EPB41L4B: variants seen among roughly 807,000 people sequenced by gnomAD.
The protein encoded by EPB41L4B is erythrocyte membrane protein band 4.1 like 4B.
EPB41L4B carries 30 observed loss-of-function variants against 112.5 expected under a neutral mutation model. The ratio of observed to expected loss-of-function variants is 0.27; its 90% CI spans 0.20 to 0.36. The LOEUF is 0.36. EPB41L4B is among the 10% of genes least tolerant of loss of function. EPB41L4B has a pLI of 1.00. For missense variants in EPB41L4B, 1,024 were observed against 1,133.3 expected, an observed-to-expected ratio of 0.90 and a Z score of 1.38; for synonymous variants, 408 against 439.7, an observed-to-expected ratio of 0.93 and a Z score of 0.90.
At chr9:109,315,591 C>G (rs1267291464) in intron 1 of EPB41L4B, among the ~76,000 whole-genome samples, 2 of 152,192 alleles carry the variant, frequency 1.3e-5, no homozygotes, top group African/African-American at 4.8e-5. Flanking sequence ...GTTCCCAAAG[C>G]AGCCGGTTCC....
chr9:109,180,729 C>T (rs10816778), intron 24 of EPB41L4B, among the ~76,000 whole-genome samples: 65,994 of 151,868 alleles, frequency 0.43, 15,062 homozygotes, highest in African/African-American at 0.54. Flanking sequence ...CTTTAGCCAC[C>T]CACAGCCCAC....
intron 18 of EPB41L4B, among the ~76,000 whole-genome samples, chr9:109,204,752 C>T (rs908093098): frequency 3.3e-5 from 5 of 152,176 alleles, no homozygotes; most frequent in African/African-American, 1.2e-4. Context: ...CCACCTTGGC[C>T]TCCCAAAATT....
rs572687610 is a variant in EPB41L4B, at chr9:109,246,962, G to A, written c.1344+794C>T. Among the ~76,000 whole-genome samples the A allele has an allele frequency of 3.0e-4, 45 of 152,170 alleles. No homozygotes were observed. In the South Asian group the frequency reaches 6.6e-3, roughly 22 times the overall value. On this transcript the variant is annotated intron_variant, in intron 14 of 25. Coordinates refer to ENST00000374566, the MANE Select transcript of EPB41L4B (RefSeq NM_019114.5). ...AAAAATGGTAGGGGTTGAGGCTAGC[G>A]TTTTTTTAAAAAAGATATGAAGGGG...
intron 14 of EPB41L4B, among the ~76,000 whole-genome samples, chr9:109,246,300 G>A (rs1834556624): frequency 6.6e-6 from 1 of 152,132 alleles, no homozygotes. Flanking sequence ...TACTTGGGAG[G>A]CTGAGGCAAG....
At chr9:109,278,978 T>C (rs549296946) in intron 2 of EPB41L4B, among the ~76,000 whole-genome samples, 3 of 152,268 alleles carry the variant, frequency 2.0e-5, no homozygotes, top group South Asian at 2.1e-4. Flanking sequence ...AGTAAAGTGC[T>C]GACCTAACAC....
rs760790233 is a variant in EPB41L4B at position 109,208,003 on chromosome 9, A to G, written c.1799T>C (p.Leu600Ser). The change falls in exon 18 of 26, where the codon TTG becomes TCG. Residue 600 changes from leucine to serine, a missense_variant. Leu to Ser is a moderately radical substitution (Grantham distance 145, BLOSUM62 -2). Coordinates refer to ENST00000374566, the MANE Select transcript of EPB41L4B (RefSeq NM_019114.5). ...CACATGATCCGCAACAGGGGAAGGC[A>G]AAAGTGGAGTCTGAAGAGTTTTCTC... ...VSEKTLQTPLLPSPVADHVKC... is the reference protein window; with the variant it reads ...VSEKTLQTPLSPSPVADHVKC... The G allele has an allele frequency of 3.3e-5, 53 of 1,614,056 alleles. No homozygotes were observed. Among genetic ancestry groups the G allele is most frequent in the Non-Finnish European group, 5.1e-6 (6 of 1,180,032 alleles).
At chr9:109,298,106 C>T (rs1325836496) in intron 1 of EPB41L4B, among the ~76,000 whole-genome samples, 1 of 151,818 alleles carries the variant, frequency 6.6e-6, no homozygotes, top group Non-Finnish European at 1.5e-5. Context: ...GAGAATGACA[C>T]GTTCAGCTGG....
chr9:109,194,144 C>T, intron 21 of EPB41L4B, 76 bp downstream of exon 21: 1 of 1,485,430 alleles, frequency 6.7e-7, no homozygotes, highest in Non-Finnish European at 9.2e-7. Context: ...ATACATGCAC[C>T]AGATGCTACT....
At chr9:109,278,100 A>G (rs1835904200) in intron 2 of EPB41L4B, among the ~76,000 whole-genome samples, 1 of 152,214 alleles carries the variant, frequency 6.6e-6, no homozygotes, top group Non-Finnish European at 1.5e-5. Context: ...GTCAGAGGGT[A>G]GGACACTGGT....
At chr9:109,243,816 G>T in intron 14 of EPB41L4B, 134 bp from the exon 15 acceptor site, 1 of 797,370 alleles carries the variant, frequency 1.3e-6, no homozygotes, top group Non-Finnish European at 2.0e-6. Flanking sequence ...CCCTGGCTAG[G>T]GGGTGGATGT....
chr9:109,228,687 AC>A (rs1833861866), intron 15 of EPB41L4B, among the ~76,000 whole-genome samples: 1 of 152,228 alleles, frequency 6.6e-6, no homozygotes, highest in Admixed American at 6.5e-5. Context: ...TGTTAGTCTC[AC>A]ATACCATCCT....
intron 1 of EPB41L4B, among the ~76,000 whole-genome samples, chr9:109,318,150 C>CGTGTGTGTGTGTGTGTGTGT (rs3983533): frequency 1.3e-5 from 2 of 149,482 alleles, no homozygotes; most frequent in African/African-American, 4.9e-5. Flanking sequence ...GGGGCATATA[C>CGTGTGTGTGTGTGTGTGTGT]GTGTGTGTGT....
At chr9:109,186,617 G>C (rs1832277558) in intron 22 of EPB41L4B, among the ~76,000 whole-genome samples, 1 of 152,070 alleles carries the variant, frequency 6.6e-6, no homozygotes, top group Admixed American at 6.6e-5. Flanking sequence ...TGGGACTACA[G>C]ATATGTGCCA....
In EPB41L4B at chr9:109,173,241, G is replaced by A. The variant is rs1187512365; in HGVS notation, c.*1313C>T. The A allele has an allele frequency of 6.6e-6, 1 of 152,580 alleles. No homozygotes were observed. The highest frequency in any genetic ancestry group is 1.5e-5 in the Non-Finnish European group (1 of 68,040). The allele number at this position is 152,580 out of a possible 1,614,324, so 9.5% of individuals were successfully genotyped here. A position where few individuals can be genotyped will look rare whatever the true frequency, so the allele number is the denominator to read the frequency against. On this transcript the variant is annotated 3_prime_UTR_variant, in exon 26 of 26. Coordinates refer to ENST00000374566, the MANE Select transcript of EPB41L4B (RefSeq NM_019114.5). ...GAGGGGATTCAAGCATTCAGAGGGG[G>A]TGGGGAGGCTAAACTAGATGACCTT...
At chr9:109,232,660 G>A (rs1833995365) in intron 15 of EPB41L4B, among the ~76,000 whole-genome samples, 1 of 152,200 alleles carries the variant, frequency 6.6e-6, no homozygotes, top group African/African-American at 2.4e-5. Context: ...CCGGAATGTA[G>A]TTCAGGTTAG....
intron 22 of EPB41L4B, among the ~76,000 whole-genome samples, chr9:109,187,043 T>C (rs190084016): frequency 6.6e-6 from 1 of 152,232 alleles, no homozygotes; most frequent in East Asian, 1.9e-4. Flanking sequence ...CTGGTGAGGA[T>C]GAGGTTGGAG....
At chr9:109,186,574 A>G (rs1458782494) in intron 22 of EPB41L4B, among the ~76,000 whole-genome samples, 2 of 152,128 alleles carry the variant, frequency 1.3e-5, no homozygotes, top group Non-Finnish European at 2.9e-5. Context: ...TCCTGGGCTC[A>G]AGCAATCCTC....
intron 2 of EPB41L4B, among the ~76,000 whole-genome samples, chr9:109,269,375 G>A (rs1306486282): frequency 6.6e-6 from 1 of 152,156 alleles, no homozygotes; most frequent in Non-Finnish European, 1.5e-5. Flanking sequence ...AAAATCATCT[G>A]CCTCACACAA....
At chr9:109,191,774 A>C (rs1422036768) in intron 22 of EPB41L4B, among the ~76,000 whole-genome samples, 3 of 152,028 alleles carry the variant, frequency 2.0e-5, no homozygotes, top group African/African-American at 7.2e-5. Flanking sequence ...TTGTTCCCTG[A>C]AAAGGGTTTC....
Sources: allele counts gnomAD v4.1 joint callset (sites outside exome capture counted in the v4.1 genomes callset), GRCh38; gene constraint gnomAD v4.1.1; transcripts MANE v1.5; gene names NCBI Gene and HGNC (gene_info 2026-07-23, HGNC 2026-07-21).